The following DGKG variants were observed in gnomAD, a reference collection of about 807,000 sequenced individuals.
DGKG encodes the protein diacylglycerol kinase gamma.
Under a neutral mutation model 105.3 loss-of-function variants are expected in DGKG, and 78 were observed. The observed-to-expected ratio is 0.74, with a 90% CI of 0.62 to 0.89. The LOEUF (loss-of-function observed/expected upper bound fraction) is 0.89. Among genes scored for constraint, DGKG ranks in the 40% least tolerant of loss-of-function variants. DGKG has a pLI of 0.00. For synonymous variants in DGKG, 346 were observed against 367.1 expected, an observed-to-expected ratio of 0.94 and a Z score of 0.66; for missense variants, 958 against 1,020.1, an observed-to-expected ratio of 0.94 and a Z score of 0.83.
At position 186,304,584 on chromosome 3, in the gene DGKG, T is replaced by C. The variant is rs113549817; in HGVS notation, c.144+2317A>G. Among the ~76,000 whole-genome samples, 711 of 152,238 alleles carry C rather than the reference T, an allele frequency of 4.7e-3. 6 individuals carry two copies. Among genetic ancestry groups the C allele is most frequent in the African/African-American group, 0.015 (613 of 41,538 alleles). ...GTCACTTTTCTGTGGTTAGTCTTCA[T>C]AAAAGGACTCAGGAGCAGGGAAAAG... On this transcript the variant is annotated intron_variant, in intron 3 of 24. Transcript: ENST00000265022.
intron 2 of DGKG, among the ~76,000 whole-genome samples, chr3:186,314,351 G>C (rs763675672): frequency 6.6e-6 from 1 of 152,042 alleles, no homozygotes; most frequent in African/African-American, 2.4e-5. Flanking sequence ...TTTTACTATC[G>C]ACCTTCTTTC....
In DGKG at chr3:186,355,476, A is replaced by C. The variant is rs1330548527; in HGVS notation, c.-249+6470T>G. 7.6e-5 allele frequency among the ~76,000 whole-genome samples: 10 copies of C among 131,210 alleles called. No homozygotes were observed. In the South Asian group the frequency reaches 1.0e-3, roughly 13 times the overall value. The allele number at this position is 131,210 out of a possible 152,430, so 86.1% of individuals were successfully genotyped here. ...TCACCACCATTATCATAACCCCCACAACCACTACCATCACCACTATCACCA... is the reference window on the plus strand; with the variant it reads ...TCACCACCATTATCATAACCCCCACCACCACTACCATCACCACTATCACCA... On this transcript the variant is annotated intron_variant, in intron 1 of 24. Transcript: ENST00000265022.
At chr3:186,291,065 A>T (rs1723291119) in intron 5 of DGKG, among the ~76,000 whole-genome samples, 1 of 152,190 alleles carries the variant, frequency 6.6e-6, no homozygotes, top group African/African-American at 2.4e-5. Flanking sequence ...TAAAAGATAG[A>T]TCCAAAAAGA....
At chr3:186,336,243 A>AT (rs1578851193) in intron 1 of DGKG, among the ~76,000 whole-genome samples, 2 of 152,296 alleles carry the variant, frequency 1.3e-5, no homozygotes, top group East Asian at 3.9e-4. Context: ...ACGAAGGGTG[A>AT]TCCCAAGCGT....
At chr3:186,289,022 C>G in intron 5 of DGKG, 142 bp from the exon 6 acceptor site, 1 of 741,422 alleles carries the variant, frequency 1.3e-6, no homozygotes, top group South Asian at 2.1e-5. Flanking sequence ...TAGATGTGAC[C>G]AAATTAGTGG....
intron 1 of DGKG, among the ~76,000 whole-genome samples, chr3:186,330,878 A>G (rs763917497): frequency 3.3e-5 from 5 of 152,250 alleles, no homozygotes; most frequent in East Asian, 1.9e-4. Flanking sequence ...GACGAATAAC[A>G]TAATTGTGGA....
Position 186,298,099 on chromosome 3 carries a change from G to A in DGKG, c.275C>T (p.Thr92Met), listed in dbSNP as rs567513651. The change falls in exon 4 of 25, where the codon ACG (threonine) becomes ATG (methionine). Residue 92 changes from threonine to methionine, a missense_variant. This residue lies in a region of DGKG where 643 missense variants were observed against 619.5 expected (regional missense o/e 1.04). Coordinates refer to ENST00000265022, the MANE Select transcript of DGKG (RefSeq NM_001346.3). ...KPRHETSDHP[T>M]EGASNSEANS... ...GGCCTCACTGTTGCTGGCTCCCTCC[G>A]TCGGGTGGTCAGAGGTCTCGTGTCT... 4.4e-5 allele frequency: 71 copies of A among 1,613,678 alleles called. No homozygotes were observed. Among genetic ancestry groups the A allele is most frequent in the South Asian group, 1.9e-4 (17 of 90,998 alleles).
At chr3:186,263,135 A>AAAACAAACAAACAAAC (rs113732220) in intron 14 of DGKG, among the ~76,000 whole-genome samples, 10 of 149,866 alleles carry the variant, frequency 6.7e-5, no homozygotes, top group East Asian at 6.0e-4. Flanking sequence ...TCGGAAAAGA[A>AAAACAAACAAACAAAC]AAACAAACAA....
At chr3:186,230,151 G>A (rs563232131) in intron 20 of DGKG, among the ~76,000 whole-genome samples, 309 of 152,234 alleles carry the variant, frequency 2.0e-3, no homozygotes, top group Non-Finnish European at 3.4e-3. Context: ...CCAGCTACTT[G>A]GGAGGCTGAG....
intron 21 of DGKG, among the ~76,000 whole-genome samples, chr3:186,207,238 T>C (rs1718790994): frequency 6.6e-6 from 1 of 152,212 alleles, no homozygotes; most frequent in African/African-American, 2.4e-5. Context: ...TGACGTTATC[T>C]GAAATGTCAA....
At chr3:186,354,966 G>T (rs1051223087) in intron 1 of DGKG, among the ~76,000 whole-genome samples, 3 of 151,954 alleles carry the variant, frequency 2.0e-5, no homozygotes, top group Non-Finnish European at 4.4e-5. Context: ...TTTCTATGAC[G>T]CCAGAAATTC....
At chr3:186,224,969 T>C (rs1488863183) in intron 20 of DGKG, among the ~76,000 whole-genome samples, 1 of 152,182 alleles carries the variant, frequency 6.6e-6, no homozygotes, top group Non-Finnish European at 1.5e-5. Context: ...CAAACAGGAA[T>C]TGGGAATTTC....
chr3:186,187,210 G>A (rs1717683447), intron 22 of DGKG, among the ~76,000 whole-genome samples: 1 of 152,364 alleles, frequency 6.6e-6, no homozygotes, highest in Middle Eastern at 3.4e-3. Flanking sequence ...CTAGGGCAGT[G>A]AGATAGAAGC....
At chr3:186,172,681 T>G (rs929540023) in intron 22 of DGKG, among the ~76,000 whole-genome samples, 1 of 152,196 alleles carries the variant, frequency 6.6e-6, no homozygotes. Context: ...CAAACAGGAA[T>G]TTGTCACTAC....
chr3:186,230,510 G>A (rs1398034869), intron 20 of DGKG, among the ~76,000 whole-genome samples: 4 of 152,300 alleles, frequency 2.6e-5, no homozygotes, highest in Middle Eastern at 3.4e-3. Context: ...GGTGAGGCTG[G>A]TGTTTGAGGA....
intron 22 of DGKG, among the ~76,000 whole-genome samples, chr3:186,168,047 A>AT (rs1355531431): frequency 1.3e-5 from 2 of 152,200 alleles, no homozygotes; most frequent in Admixed American, 1.3e-4. Context: ...CGCCAAGGTA[A>AT]TTTTTGGGTT....
intron 2 of DGKG, among the ~76,000 whole-genome samples, chr3:186,315,545 C>T (rs1273892306): frequency 1.3e-5 from 2 of 152,066 alleles, no homozygotes; most frequent in Non-Finnish European, 2.9e-5. Flanking sequence ...GTCTGACGGT[C>T]TATCAGGGTA....
At chr3:186,328,221 AT>A (rs1190987897) in intron 1 of DGKG, among the ~76,000 whole-genome samples, 1 of 152,116 alleles carries the variant, frequency 6.6e-6, no homozygotes, top group Admixed American at 6.5e-5. Flanking sequence ...CTTTGAGCAA[AT>A]TTGCCTGTTC....
chr3:186,233,207 A>G (rs1720238144), intron 20 of DGKG, among the ~76,000 whole-genome samples: 1 of 152,154 alleles, frequency 6.6e-6, no homozygotes, highest in Non-Finnish European at 1.5e-5. Flanking sequence ...GTTCAGTGCA[A>G]TCAGCGTTCT....
Sources: gnomAD v4.1 joint callset for allele counts (sites outside exome capture counted in the v4.1 genomes callset) on GRCh38, gnomAD v4.1.1 for gene constraint, gnomAD v4.1.1 regional missense constraint, MANE v1.5 for transcripts, NCBI Gene and HGNC (gene_info 2026-07-23, HGNC 2026-07-21) for gene names.